Variants in PCDHGA4 observed in about 807,000 individuals in gnomAD.
The protein encoded by PCDHGA4 is protocadherin gamma-A4.
Under a neutral mutation model 54.6 loss-of-function variants are expected in PCDHGA4, and 38 were observed. That is an observed-to-expected ratio of 0.70 (90% CI 0.54 to 0.91). The LOEUF is 0.91. Ranked by LOEUF, PCDHGA4 falls within the 40% of genes least tolerant of loss-of-function variation. PCDHGA4 has a pLI of 0.00. For missense variants in PCDHGA4, 1,298 were observed against 1,220.9 expected (o/e 1.06, Z -0.94); for synonymous variants, 511 against 512.9 (o/e 1.00, Z 0.05).
rs558074504 is a variant in PCDHGA4, at chr5:141,489,065, C to G, written c.2515-5742C>G. On this transcript the variant is annotated intron_variant, in intron 1 of 3. Coordinates refer to ENST00000571252, the MANE Select transcript of PCDHGA4 (RefSeq NM_018917.4). This position sits in a 1 kb window ranked among gnomAD's most constrained non-coding sequence, Gnocchi z 4.5. ...CCACTCAAATTCAGCTCCCCTCCCC[C>G]CTGCCCACCCCCGCCACTCGGTGAC... is the stretch of plus-strand genomic sequence containing the variant. The G allele has an allele frequency of 1.5e-4, 57 of 389,046 alleles. No homozygotes were observed. Among genetic ancestry groups the G allele is most frequent in the African/African-American group, 8.5e-4 (40 of 47,278 alleles). 24.1% of individuals were successfully genotyped at this position (389,046 alleles called of 1,614,324 possible).
chr5:141,481,676 G>T (rs975849679), intron 1 of PCDHGA4, among the ~76,000 whole-genome samples: 1 of 152,028 alleles, frequency 6.6e-6, no homozygotes, highest in Non-Finnish European at 1.5e-5. Flanking sequence ...AAATCAGGCC[G>T]GGCCTGGTGG....
chr5:141,372,653 T>A, intron 1 of PCDHGA4: 1 of 1,614,032 alleles, frequency 6.2e-7, no homozygotes. Context: ...ATTCCTACAA[T>A]CCGTGTGCTG....
intron 1 of PCDHGA4, chr5:141,387,722 C>G: frequency 8.6e-7 from 1 of 1,159,212 alleles, no homozygotes; most frequent in Non-Finnish European, 1.2e-6. Flanking sequence ...TCAGACTCCC[C>G]AGCGCCAGCC....
At chr5:141,483,187 GTTT>G (rs899657161) in intron 1 of PCDHGA4, among the ~76,000 whole-genome samples, 2 of 152,172 alleles carry the variant, frequency 1.3e-5, no homozygotes, top group African/African-American at 4.8e-5. Flanking sequence ...AAGCCAAGGA[GTTT>G]TTATTTTATT....
Position 141,432,593 on chromosome 5 carries a change from A to G in PCDHGA4, c.2515-62214A>G, listed in dbSNP as rs2097518945. ...GCTGTCCTACCGTCTGCTCAAGGCC[A>G]GCGAGCCGGGACTCTTCTCGGTGGG... On this transcript the variant is annotated intron_variant, in intron 1 of 3. Transcript: ENST00000571252. The surrounding 1 kb of genome is among the most constrained non-coding windows in gnomAD (Gnocchi z 6.0). 6.2e-7 allele frequency: 1 copy of G among 1,612,958 alleles called. No individual in the cohort carries two copies. Among genetic ancestry groups the G allele is most frequent in the Non-Finnish European group, 8.5e-7 (1 of 1,179,834 alleles).
chr5:141,448,122 C>A (rs1315243727), intron 1 of PCDHGA4, among the ~76,000 whole-genome samples: 1 of 151,820 alleles, frequency 6.6e-6, no homozygotes, highest in Non-Finnish European at 1.5e-5. Context: ...AAATTAGCCT[C>A]CCCCACCCTC....
At chr5:141,507,474 C>T (rs774159694) in intron 3 of PCDHGA4, among the ~76,000 whole-genome samples, 2 of 152,196 alleles carry the variant, frequency 1.3e-5, no homozygotes, top group Non-Finnish European at 2.9e-5. Flanking sequence ...GCAGGGACTG[C>T]TGGCCTCCTG....
At chr5:141,499,828 A>G (rs921957227) in intron 2 of PCDHGA4, among the ~76,000 whole-genome samples, 1 of 151,834 alleles carries the variant, frequency 6.6e-6, no homozygotes, top group Non-Finnish European at 1.5e-5. Context: ...CTAGGATTAC[A>G]GGTGTGCACC....
chr5:141,366,097 C>A lies in PCDHGA4; in HGVS notation c.2514+8476C>A, dbSNP rs757003836. 4.3e-6 allele frequency: 7 copies of A among 1,614,240 alleles called. No homozygotes were observed. The Admixed American group carries it at 5.0e-5, about 12-fold the overall frequency. On this transcript the variant is annotated intron_variant, in intron 1 of 3. Coordinates refer to ENST00000571252, the MANE Select transcript of PCDHGA4 (RefSeq NM_018917.4). ...CCGCAGAACCTGGCTACCTGGTGAC[C>A]AAGGTGGTAGCGGTGGACAAAGATT...
intron 2 of PCDHGA4, among the ~76,000 whole-genome samples, chr5:141,503,269 C>T (rs1161751693): frequency 6.6e-6 from 1 of 152,116 alleles, no homozygotes; most frequent in Non-Finnish European, 1.5e-5. Flanking sequence ...ACCCCAGCAC[C>T]TGGCTCTGTG....
At chr5:141,369,953 C>T (rs1473621246) in intron 1 of PCDHGA4, among the ~76,000 whole-genome samples, 1 of 152,124 alleles carries the variant, frequency 6.6e-6, no homozygotes, top group Non-Finnish European at 1.5e-5. Context: ...ATTATCTCTG[C>T]CCTTTGACAA....
chr5:141,428,233 C>A, intron 1 of PCDHGA4: 1 of 1,049,106 alleles, frequency 9.5e-7, no homozygotes, highest in Non-Finnish European at 1.4e-6. Context: ...AGACAGCCTG[C>A]AGGAGGCACT....
At chr5:141,446,093 GA>G (rs1217618203) in intron 1 of PCDHGA4, among the ~76,000 whole-genome samples, 1 of 152,118 alleles carries the variant, frequency 6.6e-6, no homozygotes, top group Admixed American at 6.5e-5. Flanking sequence ...ATAAATGGAT[GA>G]ATTATAGATA....
In PCDHGA4 at chr5:141,387,729, A is replaced by C. The variant is rs536775462; in HGVS notation, c.2514+30108A>C. ...GCCCCAGCTCAGACTCCCCAGCGCC[A>C]GCCTTTACACCGCTTCCTCCTCGGA... On this transcript the variant is annotated intron_variant, in intron 1 of 3. Coordinates refer to ENST00000571252, the MANE Select transcript of PCDHGA4 (RefSeq NM_018917.4). The C allele has an allele frequency of 4.9e-6, 6 of 1,227,140 alleles. No individual in the cohort carries two copies. The African/African-American group carries it at 7.6e-5, about 16-fold the overall frequency. The allele number at this position is 1,227,140 out of a possible 1,614,324, so 76.0% of individuals were successfully genotyped here.
chr5:141,460,075 C>T (rs2098981644), intron 1 of PCDHGA4, among the ~76,000 whole-genome samples: 2 of 151,896 alleles, frequency 1.3e-5, no homozygotes, highest in East Asian at 1.9e-4. Context: ...GAGACTTCAT[C>T]TAAAAAATAA....
intron 1 of PCDHGA4, chr5:141,409,807 C>T (rs1561723178): frequency 1.2e-6 from 2 of 1,611,592 alleles, no homozygotes; most frequent in Non-Finnish European, 1.7e-6. Flanking sequence ...TGCAGGCCCG[C>T]GACCACGGCT....
At chr5:141,361,190 T>C (rs1390413762) in intron 1 of PCDHGA4, 1 of 1,613,846 alleles carries the variant, frequency 6.2e-7, no homozygotes, top group Admixed American at 1.7e-5. Flanking sequence ...GTGACTTCAG[T>C]ATCTACTCCC....
Position 141,476,383 on chromosome 5 carries a change from C to G in PCDHGA4, c.2515-18424C>G, listed in dbSNP as rs547854431. ...GGGAGACCGGAGAGATGTTTGTGAACGACCGTCTGGATCGAGAGGAGCTGT... is the reference window on the plus strand; with the variant it reads ...GGGAGACCGGAGAGATGTTTGTGAAGGACCGTCTGGATCGAGAGGAGCTGT... On this transcript the variant is annotated intron_variant, in intron 1 of 3. Transcript: ENST00000571252. The surrounding 1 kb of genome is among the most constrained non-coding windows in gnomAD (Gnocchi z 7.6). 1.2e-6 allele frequency: 2 copies of G among 1,614,102 alleles called. No homozygotes were observed. Among genetic ancestry groups the G allele is most frequent in the Middle Eastern group, 3.3e-4 (2 of 6,062 alleles).
intron 1 of PCDHGA4, chr5:141,430,664 C>G (rs2154553866): frequency 8.3e-7 from 1 of 1,209,890 alleles, no homozygotes; most frequent in East Asian, 2.6e-5. Context: ...CGGAGGAGCT[C>G]TGACTTCCCA....
Sources: gnomAD v4.1 joint callset for allele counts (sites outside exome capture counted in the v4.1 genomes callset) on GRCh38, gnomAD v4.1.1 for gene constraint, Gnocchi (gnomAD v3.1) non-coding constraint, MANE v1.5 for transcripts, NCBI Gene and HGNC (gene_info 2026-07-23, HGNC 2026-07-21) for gene names.